The following CADM2 variants were observed in gnomAD, a reference collection of about 807,000 sequenced individuals.
The protein encoded by CADM2 is immunoglobulin superfamily member 4D.
In CADM2, 12 loss-of-function variants were observed where a neutral mutation model predicts 49.8. That is an observed-to-expected ratio of 0.24 (90% CI 0.15 to 0.39). CADM2 has a LOEUF of 0.39. Among genes scored for constraint, CADM2 ranks in the 10% least tolerant of loss-of-function variants. CADM2 has a pLI of 1.00. For missense variants in CADM2, 378 were observed against 492.3 expected (o/e 0.77, Z 2.20); for synonymous variants, 214 against 175.4 (o/e 1.22, Z -1.74).
At chr3:85,753,664 C>G (rs1391913532) in intron 2 of CADM2, among the ~76,000 whole-genome samples, 1 of 152,146 alleles carries the variant, frequency 6.6e-6, no homozygotes, top group East Asian at 1.9e-4. Flanking sequence ...CTAGGAACAA[C>G]ATGAGCAGAC....
intron 1 of CADM2, among the ~76,000 whole-genome samples, chr3:85,252,419 A>G (rs1474227633): frequency 6.6e-6 from 1 of 151,960 alleles, no homozygotes; most frequent in Non-Finnish European, 1.5e-5. Flanking sequence ...GATAAGTCAC[A>G]TGTTCTAGAG....
At chr3:85,192,078 C>A (rs1295576948) in intron 1 of CADM2, among the ~76,000 whole-genome samples, 2 of 150,646 alleles carry the variant, frequency 1.3e-5, no homozygotes, top group Non-Finnish European at 3.0e-5. Context: ...TATTTATTGA[C>A]AACTTATAAT....
intron 1 of CADM2, among the ~76,000 whole-genome samples, chr3:85,335,470 T>C (rs1171423781): frequency 6.6e-6 from 1 of 151,568 alleles, no homozygotes; most frequent in Non-Finnish European, 1.5e-5. Flanking sequence ...ATTTATGGTG[T>C]ACAGTGTTAT....
chr3:85,822,814 A>G (rs1355579373), intron 3 of CADM2, among the ~76,000 whole-genome samples: 1 of 152,180 alleles, frequency 6.6e-6, no homozygotes, highest in Non-Finnish European at 1.5e-5. Flanking sequence ...TCAGTGTTCT[A>G]AAATGGTCTA....
chr3:85,443,371 G>T (rs1472521986), intron 1 of CADM2, among the ~76,000 whole-genome samples: 7 of 152,088 alleles, frequency 4.6e-5, no homozygotes, highest in Admixed American at 4.6e-4. Flanking sequence ...CTTCAATTCA[G>T]TAATCTTTGG....
intron 1 of CADM2, among the ~76,000 whole-genome samples, chr3:85,161,136 A>G (rs2040309561): frequency 6.6e-6 from 1 of 152,222 alleles, no homozygotes. Flanking sequence ...CTTTAGCTAA[A>G]AGAGAAGACA....
At chr3:85,467,621 A>G (rs201093081) in intron 1 of CADM2, among the ~76,000 whole-genome samples, 1 of 151,940 alleles carries the variant, frequency 6.6e-6, no homozygotes, top group Non-Finnish European at 1.5e-5. Flanking sequence ...TAAAAAAAAA[A>G]CACTCTGTTA....
chr3:85,633,698 A>G (rs911017815), intron 1 of CADM2, among the ~76,000 whole-genome samples: 2 of 152,226 alleles, frequency 1.3e-5, no homozygotes, highest in South Asian at 2.1e-4. Context: ...CACTGTATGC[A>G]GAGAATAACT....
At chr3:85,436,814 C>T (rs1290760511) in intron 1 of CADM2, among the ~76,000 whole-genome samples, 1 of 152,204 alleles carries the variant, frequency 6.6e-6, no homozygotes, top group Admixed American at 6.6e-5. Flanking sequence ...TTTGCCAAAG[C>T]GGTACATTTG....
intron 1 of CADM2, among the ~76,000 whole-genome samples, chr3:85,212,886 C>CTCTCTCTCTCTCTCTCTT (rs1553696376): frequency 3.9e-5 from 3 of 77,898 alleles, no homozygotes; most frequent in Admixed American, 1.2e-4. Context: ...TTCTTTCTTT[C>CTCTCTCTCTCTCTCTCTT]TCTTTCTTTC....
Position 86,070,724 on chromosome 3 carries a change from C to T in CADM2, c.*3941C>T, listed in dbSNP as rs1333265583. The stretch of plus-strand genomic sequence containing the variant: ...GCTTTTTATTAAGTGGCACAAAGTA[C>T]ACACTAAAAACTATGCAAAATATAG... On this transcript the variant is annotated 3_prime_UTR_variant, in exon 10 of 10. Transcript: ENST00000383699. 6.6e-6 allele frequency: 1 copy of T among 151,586 alleles called. No individual in the cohort carries two copies. Among genetic ancestry groups the T allele is most frequent in the Admixed American group, 6.6e-5 (1 of 15,192 alleles). The allele number at this position is 151,586 out of a possible 1,614,324, so 9.4% of individuals were successfully genotyped here.
intron 3 of CADM2, among the ~76,000 whole-genome samples, chr3:85,814,480 C>A (rs79773948): frequency 0.054 from 8,228 of 151,950 alleles, 373 homozygotes; most frequent in East Asian, 0.19. Context: ...CAATAGCAAA[C>A]AAATTCAAAA....
chr3:85,357,306 T>C (rs1217568404), intron 1 of CADM2, among the ~76,000 whole-genome samples: 1 of 152,120 alleles, frequency 6.6e-6, no homozygotes, highest in Non-Finnish European at 1.5e-5. Context: ...AAGAATTTAA[T>C]ATGTGTCTAT....
intron 1 of CADM2, among the ~76,000 whole-genome samples, chr3:85,659,825 G>A (rs2065343698): frequency 6.6e-6 from 1 of 152,072 alleles, no homozygotes; most frequent in South Asian, 2.1e-4. Context: ...AACTATTGAA[G>A]CTCCTGTGTA....
In CADM2 at chr3:86,070,871, G is replaced by A. The variant is rs1739807140; in HGVS notation, c.*4088G>A. On this transcript the variant is annotated 3_prime_UTR_variant, in exon 10 of 10. Transcript: ENST00000383699. ...AGAGGAAATCTTAGTGTAGATAATA[G>A]AATTTGTTTTGAAATATACACTGGC... The A allele has an allele frequency of 6.6e-6, 1 of 151,824 alleles. No individual in the cohort carries two copies. Among genetic ancestry groups the A allele is most frequent in the South Asian group, 2.1e-4 (1 of 4,830 alleles). 9.4% of individuals were successfully genotyped at this position (151,824 alleles called of 1,614,324 possible). A position where few individuals can be genotyped will look rare whatever the true frequency, so the allele number is the denominator to read the frequency against.
At chr3:86,025,645 T>C (rs1231203110) in intron 8 of CADM2, among the ~76,000 whole-genome samples, 1 of 152,160 alleles carries the variant, frequency 6.6e-6, no homozygotes, top group Non-Finnish European at 1.5e-5. Flanking sequence ...AAGCTGCTTA[T>C]TAGGAGAAGG....
chr3:85,322,991 C>G (rs2044656323), intron 1 of CADM2, among the ~76,000 whole-genome samples: 1 of 152,112 alleles, frequency 6.6e-6, no homozygotes, highest in Non-Finnish European at 1.5e-5. Flanking sequence ...TGGTGTTTTG[C>G]CTCTGTCTGA....
intron 1 of CADM2, among the ~76,000 whole-genome samples, chr3:85,523,599 G>A (rs1403462951): frequency 6.6e-6 from 1 of 151,700 alleles, no homozygotes; most frequent in African/African-American, 2.4e-5. Context: ...TTTTTCTGGA[G>A]CTTCAATTAC....
intron 7 of CADM2, among the ~76,000 whole-genome samples, chr3:85,940,978 T>A (rs1721819284): frequency 6.6e-6 from 1 of 152,108 alleles, no homozygotes; most frequent in Admixed American, 6.6e-5. Context: ...TACCAAAATG[T>A]TACATTTGTT....
Sources: allele counts gnomAD v4.1 joint callset (sites outside exome capture counted in the v4.1 genomes callset), GRCh38; gene constraint gnomAD v4.1.1; transcripts MANE v1.5; gene names NCBI Gene and HGNC (gene_info 2026-07-23, HGNC 2026-07-21).